ROBO2: variants seen among roughly 807,000 people sequenced by gnomAD.
ROBO2 encodes roundabout guidance receptor 2.
ROBO2 carries 53 observed loss-of-function variants against 160.8 expected under a neutral mutation model. That is an observed-to-expected ratio of 0.33 (90% confidence interval 0.26 to 0.41). The LOEUF is 0.41. ROBO2 is among the 10% of genes least tolerant of loss of function. The probability of loss-of-function intolerance (pLI) is 1.00; values close to 1 mark genes in which losing one functional copy is unlikely to be tolerated. For synonymous variants in ROBO2, 664 were observed against 611.7 expected, an observed-to-expected ratio of 1.09 and a Z score of -1.26; for missense variants, 1,577 against 1,722.4, an observed-to-expected ratio of 0.92 and a Z score of 1.49.
intron 2 of ROBO2, among the ~76,000 whole-genome samples, chr3:76,123,259 G>A (rs755809852): frequency 4.6e-5 from 7 of 152,152 alleles, no homozygotes; most frequent in Middle Eastern, 3.4e-3. Flanking sequence ...TGCATTTTCC[G>A]TGTATTTTTC....
intron 2 of ROBO2, among the ~76,000 whole-genome samples, chr3:76,632,616 C>T (rs1254258279): frequency 6.6e-6 from 1 of 152,184 alleles, no homozygotes; most frequent in East Asian, 1.9e-4. Flanking sequence ...CATACTGTCA[C>T]ATTAAGAATA....
At chr3:77,085,752 G>T (rs1031986113) in intron 1 of ROBO2, among the ~76,000 whole-genome samples, 9 of 151,932 alleles carry the variant, frequency 5.9e-5, no homozygotes, top group African/African-American at 1.7e-4. Context: ...ACTCATTTTT[G>T]ACTTGGGCCT....
chr3:76,107,468 T>G (rs549129261), intron 2 of ROBO2, among the ~76,000 whole-genome samples: 4 of 152,272 alleles, frequency 2.6e-5, no homozygotes, highest in Admixed American at 2.6e-4. Context: ...CATTTTATTT[T>G]CTGAATCATG....
chr3:77,106,549 C>T lies in ROBO2; in HGVS notation c.388+8209C>T, dbSNP rs574897809. ...ATCTATAATTACTTAAGGAAGGTTA[C>T]ACTTCTTTTAAGCATGAGTCAGTAT... is the stretch of plus-strand genomic sequence containing the variant. On this transcript the variant is annotated intron_variant, in intron 2 of 25. Coordinates refer to ENST00000461745, the Ensembl canonical transcript of ROBO2. Among the ~76,000 whole-genome samples the T allele has an allele frequency of 1.2e-4, 18 of 152,234 alleles. 1 individual carries two copies. The South Asian group carries it at 3.5e-3, about 30-fold the overall frequency.
At chr3:77,065,611 A>G (rs2066758615) in intron 1 of ROBO2, among the ~76,000 whole-genome samples, 1 of 152,200 alleles carries the variant, frequency 6.6e-6, no homozygotes, top group Non-Finnish European at 1.5e-5. Flanking sequence ...CATGCTATTG[A>G]TTAAATACTT....
intron 1 of ROBO2, among the ~76,000 whole-genome samples, chr3:75,933,576 CTCTT>C (rs111543872): frequency 6.6e-5 from 10 of 152,058 alleles, no homozygotes; most frequent in Admixed American, 3.9e-4. Flanking sequence ...ACTAGAGTCA[CTCTT>C]TCTAGATAAC....
chr3:77,164,954 A>T (rs1381496973), intron 2 of ROBO2, among the ~76,000 whole-genome samples: 1 of 116,834 alleles, frequency 8.6e-6, no homozygotes, highest in Admixed American at 8.5e-5. Flanking sequence ...TCAGCCCCCC[A>T]ACCCGGCCAG....
At chr3:76,023,846 T>A (rs547760829) in intron 2 of ROBO2, among the ~76,000 whole-genome samples, 9 of 151,446 alleles carry the variant, frequency 5.9e-5, no homozygotes, top group African/African-American at 1.9e-4. Flanking sequence ...AAAAACACAG[T>A]ATCTACAAGA....
intron 2 of ROBO2, among the ~76,000 whole-genome samples, chr3:76,046,652 A>G (rs550334235): frequency 7.9e-5 from 12 of 152,038 alleles, no homozygotes; most frequent in African/African-American, 2.7e-4. Context: ...CGTCTCAAAA[A>G]ATAAAATAAA....
At chr3:77,169,734 C>G (rs1342133967) in intron 2 of ROBO2, among the ~76,000 whole-genome samples, 1 of 149,680 alleles carries the variant, frequency 6.7e-6, no homozygotes, top group East Asian at 2.0e-4. Context: ...TTTTCTTTTC[C>G]TTTCTTTTTT....
At chr3:76,188,364 T>A (rs1701858838) in intron 2 of ROBO2, among the ~76,000 whole-genome samples, 1 of 152,022 alleles carries the variant, frequency 6.6e-6, no homozygotes, top group Non-Finnish European at 1.5e-5. Flanking sequence ...GAAGATGATG[T>A]AAAGACTTAC....
intron 2 of ROBO2, among the ~76,000 whole-genome samples, chr3:76,194,353 A>AATATATATATAT (rs772196827): frequency 5.8e-4 from 55 of 94,494 alleles, no homozygotes; most frequent in African/African-American, 2.1e-3. Context: ...ATGGTGTGTA[A>AATATATATATAT]ATATATATAT....
At chr3:76,285,800 T>G (rs1228436025) in intron 2 of ROBO2, among the ~76,000 whole-genome samples, 3 of 152,188 alleles carry the variant, frequency 2.0e-5, no homozygotes. Context: ...TTTTCATGTT[T>G]GTATATCTTA....
intron 2 of ROBO2, among the ~76,000 whole-genome samples, chr3:76,040,258 T>G (rs2067239766): frequency 1.3e-5 from 2 of 151,850 alleles, no homozygotes. Context: ...CCTTTATAAC[T>G]TATTTTTTGA....
intron 2 of ROBO2, among the ~76,000 whole-genome samples, chr3:76,269,082 A>G (rs140687718): frequency 0.017 from 2,597 of 152,236 alleles, 45 homozygotes; most frequent in Non-Finnish European, 0.028. Context: ...TAGAATTAAT[A>G]AGATCTAGTA....
intron 2 of ROBO2, among the ~76,000 whole-genome samples, chr3:76,185,720 A>G (rs1203870557): frequency 1.3e-5 from 2 of 152,126 alleles, no homozygotes; most frequent in Non-Finnish European, 2.9e-5. Context: ...CATAATTAGC[A>G]TAATTGTGAA....
intron 4 of ROBO2, among the ~76,000 whole-genome samples, chr3:77,486,994 C>T (rs188379120): frequency 5.6e-4 from 85 of 152,158 alleles, no homozygotes; most frequent in Non-Finnish European, 7.9e-4. Flanking sequence ...TTTCACAGTA[C>T]GATGTTCAGA....
intron 2 of ROBO2, among the ~76,000 whole-genome samples, chr3:76,329,513 C>T (rs997803613): frequency 6.6e-6 from 1 of 152,160 alleles, no homozygotes; most frequent in African/African-American, 2.4e-5. Flanking sequence ...CCACGGCATC[C>T]GTCCTCAGAA....
intron 7 of ROBO2, 48 bp from the exon 9 acceptor site, chr3:77,550,770 T>G (rs2092889886): frequency 6.3e-7 from 1 of 1,597,554 alleles, no homozygotes; most frequent in East Asian, 2.2e-5. Flanking sequence ...TCACATAATT[T>G]TTTTAAGTGG....
Sources: allele counts gnomAD v4.1 joint callset (sites outside exome capture counted in the v4.1 genomes callset), GRCh38; gene constraint gnomAD v4.1.1; transcripts MANE v1.5; gene names NCBI Gene and HGNC (gene_info 2026-07-23, HGNC 2026-07-21).